Variants in ARHGAP25 observed in about 807,000 individuals in gnomAD.
ARHGAP25 encodes the protein rho GTPase-activating protein 25.
A neutral mutation model predicts 71.0 loss-of-function variants in ARHGAP25; 34 were observed. That is an observed-to-expected ratio of 0.48 (90% confidence interval 0.36 to 0.64). The LOEUF is 0.64. ARHGAP25 is among the 30% of genes least tolerant of loss of function. The pLI is 0.00. For synonymous variants in ARHGAP25, 282 were observed against 296.5 expected, an observed-to-expected ratio of 0.95 and a Z score of 0.50; for missense variants, 706 against 805.1, an observed-to-expected ratio of 0.88 and a Z score of 1.49.
chr2:68,735,320 C>A, intron 1 of ARHGAP25, 60 bp downstream of exon 1: 1 of 1,517,868 alleles, frequency 6.6e-7, no homozygotes, highest in Non-Finnish European at 9.2e-7. Flanking sequence ...GCACCATTTG[C>A]ATGTTGGTCT....
intron 1 of ARHGAP25, among the ~76,000 whole-genome samples, chr2:68,751,723 C>G (rs2104317335): frequency 6.6e-6 from 1 of 152,292 alleles, no homozygotes; most frequent in South Asian, 2.1e-4. Flanking sequence ...AGGTTAAAAC[C>G]ATTGCTTTAT....
intron 2 of ARHGAP25, chr2:68,775,759 G>A (rs1573501177): frequency 2.0e-6 from 1 of 501,474 alleles, no homozygotes; most frequent in Non-Finnish European, 3.9e-6. Context: ...GGGACTCATT[G>A]ATTTGTTTGT....
intron 1 of ARHGAP25, among the ~76,000 whole-genome samples, chr2:68,755,267 G>C (rs1676407433): frequency 6.6e-6 from 1 of 152,036 alleles, no homozygotes; most frequent in Non-Finnish European, 1.5e-5. Flanking sequence ...TATAAACACA[G>C]ATTTCCTGTG....
chr2:68,777,785 A>G (rs1268591279), intron 2 of ARHGAP25, among the ~76,000 whole-genome samples: 2 of 152,212 alleles, frequency 1.3e-5, no homozygotes, highest in African/African-American at 2.4e-5. Flanking sequence ...AGAATAGTGT[A>G]TTTTACCACA....
chr2:68,764,178 G>A (rs964507528), intron 1 of ARHGAP25, among the ~76,000 whole-genome samples: 2 of 152,184 alleles, frequency 1.3e-5, no homozygotes, highest in Non-Finnish European at 2.9e-5. Context: ...GAGGTTCTTT[G>A]TGTGGCATGA....
chr2:68,781,802 A>ACCCCATC (rs138614789), intron 2 of ARHGAP25, among the ~76,000 whole-genome samples: 3,062 of 152,190 alleles, frequency 0.02, 48 homozygotes, highest in Non-Finnish European at 0.034. Flanking sequence ...TCTACTCAAT[A>ACCCCATC]CCCCATCCCC....
At chr2:68,813,760 G>A (rs1681002595) in intron 6 of ARHGAP25, among the ~76,000 whole-genome samples, 1 of 152,194 alleles carries the variant, frequency 6.6e-6, no homozygotes, top group African/African-American at 2.4e-5. Context: ...AGGCAGGTGT[G>A]AGGTCACATA....
rs1031996716 is a variant in ARHGAP25 at position 68,813,353 on chromosome 2, G to C, written c.741G>C (p.Val247=). Residue 247 remains valine, a synonymous_variant, in exon 6 of 11, where the codon GTG becomes GTC. Coordinates refer to ENST00000409202, the MANE Select transcript of ARHGAP25 (RefSeq NM_001007231.3). ...ACCTCCGAGACCTCCCAGAGCCCGT[G>C]GTTCCCTGGAGCCAGTACGAAGGGT... is the stretch of plus-strand genomic sequence containing the variant. ...KLYLRDLPEP[V]VPWSQYEGFL... is the part of the protein sequence containing the mutation. 6.2e-7 allele frequency: 1 copy of C among 1,613,748 alleles called. No homozygotes were observed. Among genetic ancestry groups the C allele is most frequent in the African/African-American group, 1.3e-5 (1 of 74,844 alleles).
intron 1 of ARHGAP25, among the ~76,000 whole-genome samples, chr2:68,747,332 C>T (rs1165371655): frequency 6.6e-6 from 1 of 152,132 alleles, no homozygotes; most frequent in Admixed American, 6.5e-5. Context: ...CCACATCATT[C>T]GTGGAGCCTA....
chr2:68,818,043 C>T (rs1681358966), intron 8 of ARHGAP25, 49 bp downstream of exon 8: 3 of 1,606,312 alleles, frequency 1.9e-6, no homozygotes, highest in Non-Finnish European at 2.6e-6. Context: ...ATAACAATTA[C>T]AACATTCCCC....
At chr2:68,779,031 G>A (rs1435118364) in intron 2 of ARHGAP25, among the ~76,000 whole-genome samples, 1 of 152,118 alleles carries the variant, frequency 6.6e-6, no homozygotes, top group Non-Finnish European at 1.5e-5. Flanking sequence ...TCAGCTTATC[G>A]CCCTCAAGTT....
chr2:68,812,535 T>C (rs1680906075), intron 5 of ARHGAP25, among the ~76,000 whole-genome samples: 1 of 152,218 alleles, frequency 6.6e-6, no homozygotes, highest in Non-Finnish European at 1.5e-5. Flanking sequence ...TGAGGTACTC[T>C]TTCATCTGAC....
intron 1 of ARHGAP25, among the ~76,000 whole-genome samples, chr2:68,749,818 G>C (rs1676050890): frequency 6.6e-6 from 1 of 152,198 alleles, no homozygotes; most frequent in Non-Finnish European, 1.5e-5. Flanking sequence ...AGCAAAGTTT[G>C]TGATCTGTGC....
chr2:68,714,958 C>A (rs947492774), intron 2 of ARHGAP25, among the ~76,000 whole-genome samples: 1 of 152,160 alleles, frequency 6.6e-6, no homozygotes, highest in Non-Finnish European at 1.5e-5. Flanking sequence ...CCCTTCTCTC[C>A]CAGCACTCCC....
intron 4 of ARHGAP25, among the ~76,000 whole-genome samples, chr2:68,802,898 CACACATATATCCATATAT>C (rs574854520): frequency 0.028 from 4,286 of 151,594 alleles, 90 homozygotes; most frequent in Non-Finnish European, 0.044. Context: ...CATATGTACA[CACACATATATCCATATAT>C]ACACATATAT....
At chr2:68,748,574 T>C (rs4854506) in intron 1 of ARHGAP25, among the ~76,000 whole-genome samples, 101,365 of 152,150 alleles carry the variant, frequency 0.67, 34,480 homozygotes, top group South Asian at 0.77. Flanking sequence ...GAATAGCCTG[T>C]GGCCTGTTAA....
intron 9 of ARHGAP25, among the ~76,000 whole-genome samples, chr2:68,821,092 C>CTTTTTTTTTTTTTTTTTTTTT (rs34119311): frequency 5.0e-5 from 5 of 99,450 alleles, no homozygotes; most frequent in African/African-American, 1.6e-4. Context: ...CTTTTTCTTT[C>CTTTTTTTTTTTTTTTTTTTTT]TTTTTTTTTT....
In ARHGAP25 at chr2:68,782,272, G is replaced by A. The variant is rs756666210; in HGVS notation, c.301G>A (p.Ala101Thr). The A allele has an allele frequency of 3.6e-5, 58 of 1,613,884 alleles. No individual in the cohort carries two copies. The highest frequency in any genetic ancestry group is 3.0e-5 in the Non-Finnish European group (35 of 1,179,972). The part of the protein sequence containing the change: ...YLPGCTIKEI[A>T]TNPEEAGKFV... ...ACCAGGATGTACAATCAAGGAGATCGCCACAAACCCAGAAGAAGCTGGGAA... is the reference window on the plus strand; with the variant it reads ...ACCAGGATGTACAATCAAGGAGATCACCACAAACCCAGAAGAAGCTGGGAA... The change falls in exon 3 of 11, where the codon GCC becomes ACC. Residue 101 changes from alanine (A) to threonine (T), a missense_variant. By Grantham distance (58) the Ala-to-Thr change is moderately conservative (BLOSUM62 0). Transcript: ENST00000409202.
chr2:68,792,404 C>CCTTCCAT (rs1048661961), intron 4 of ARHGAP25, among the ~76,000 whole-genome samples: 17 of 152,170 alleles, frequency 1.1e-4, no homozygotes, highest in African/African-American at 3.6e-4. Flanking sequence ...TCATACACCG[C>CCTTCCAT]CTTCCATCCC....
Sources: allele counts gnomAD v4.1 joint callset (sites outside exome capture counted in the v4.1 genomes callset), GRCh38; gene constraint gnomAD v4.1.1; transcripts MANE v1.5; gene names NCBI Gene and HGNC (gene_info 2026-07-23, HGNC 2026-07-21).